The following CBR3 variants were observed in gnomAD, a reference collection of about 807,000 sequenced individuals.
CBR3 encodes the protein carbonyl reductase [NADPH] 3.
Under a neutral mutation model 11.6 loss-of-function variants are expected in CBR3, and 14 were observed. The ratio of observed to expected loss-of-function variants is 1.20; its 90% CI spans 0.79 to 1.88. CBR3 has a LOEUF of 1.88. Ranked by LOEUF, CBR3 falls within the 40% of genes most tolerant of loss-of-function variation. CBR3 has a pLI of 0.00. For missense variants in CBR3, 308 were observed against 357.3 expected, an observed-to-expected ratio of 0.86 and a Z score of 1.11; for synonymous variants, 125 against 145.6, an observed-to-expected ratio of 0.86 and a Z score of 1.02.
chr21:36,135,152 G>C lies in CBR3; in HGVS notation c.-41G>C. ...CGCGCCCCAGGTGGTCCGAAGCCCG[G>C]TCCGCCCTCCACGCAGGTGCCCCGC... is the stretch of plus-strand genomic sequence containing the variant. On this transcript the variant is annotated 5_prime_UTR_variant, in exon 1 of 3. Transcript: ENST00000290354. 1 of 1,416,218 alleles carries C rather than the reference G, an allele frequency of 7.1e-7. No homozygotes were observed. The highest frequency in any genetic ancestry group is 1.5e-5 in the South Asian group (1 of 64,860). 87.7% of individuals were successfully genotyped at this position (1,416,218 alleles called of 1,614,324 possible). A position where few individuals can be genotyped will look rare whatever the true frequency, so the allele number is the denominator to read the frequency against.
rs751963550 is a variant in CBR3, at chr21:36,146,402, A to G, written c.724A>G (p.Arg242Gly). The G allele has an allele frequency of 6.2e-7, 1 of 1,614,194 alleles. No homozygotes were observed. The highest frequency in any genetic ancestry group is 8.5e-7 in the Non-Finnish European group (1 of 1,180,008). The change falls in exon 3 of 3, where the codon AGG (arginine) becomes GGG (glycine). Residue 242 changes from arginine (R) to glycine (G), a missense_variant. By Grantham distance (125) the Arg-to-Gly change is moderately radical. Coordinates refer to ENST00000290354, the MANE Select transcript of CBR3 (RefSeq NM_001236.4). ...KTDMDGKDSI[R>G]TVEEGAETPV... is the part of the protein sequence containing the mutation. Reference sequence around the variant, plus strand: ...AGACATGGATGGGAAAGACAGCATCAGGACTGTGGAGGAGGGGGCTGAGAC... The same window carrying G: ...AGACATGGATGGGAAAGACAGCATCGGGACTGTGGAGGAGGGGGCTGAGAC...
At chr21:36,142,439 A>AAAAAAAAAAAACAAACAAACAAAC (rs774406466) in intron 2 of CBR3, among the ~76,000 whole-genome samples, 1 of 147,758 alleles carries the variant, frequency 6.8e-6, no homozygotes, top group African/African-American at 2.6e-5. Context: ...CTCAAAAAAA[A>AAAAAAAAAAAACAAACAAACAAAC]AAAAAAAAAC....
At chr21:36,141,007 C>CAAAAA (rs1217520274) in intron 2 of CBR3, among the ~76,000 whole-genome samples, 6 of 56,090 alleles carry the variant, frequency 1.1e-4, no homozygotes, top group African/African-American at 3.4e-4. Flanking sequence ...CACTCCATCT[C>CAAAAA]AAAAAAAAAA....
At chr21:36,136,409 G>A (rs553239009) in intron 1 of CBR3, among the ~76,000 whole-genome samples, 2 of 152,168 alleles carry the variant, frequency 1.3e-5, no homozygotes, top group Non-Finnish European at 2.9e-5. Context: ...AAGGATGGGG[G>A]AGCAGAAGTC....
At position 36,137,900 on chromosome 21, in the gene CBR3, G is replaced by A. The variant is rs1328344280; in HGVS notation, c.365G>A (p.Cys122Tyr). 2 of 1,609,348 alleles carry A rather than the reference G, an allele frequency of 1.2e-6. No homozygotes were observed. The highest frequency in any genetic ancestry group is 1.7e-6 in the Non-Finnish European group (2 of 1,175,906). Residue 122 changes from cysteine (C) to tyrosine (Y), a missense_variant, in exon 2 of 3, where the codon TGC becomes TAC. Transcript: ENST00000290354. ...KTNFFATRNM[C>Y]NELLPIMKPH... is the part of the protein sequence containing the mutation. ...AATTTTTTTGCCACTAGAAACATGT[G>A]CAACGAGTTACTGCCGATAATGAAA...
At chr21:36,138,504 T>C (rs2065680502) in intron 2 of CBR3, 1 of 152,608 alleles carries the variant, frequency 6.6e-6, no homozygotes, top group South Asian at 2.1e-4. Flanking sequence ...TTGGGATCCA[T>C]GTCATGAACT....
chr21:36,143,919 G>A (rs1372708221), intron 2 of CBR3, among the ~76,000 whole-genome samples: 1 of 150,616 alleles, frequency 6.6e-6, no homozygotes, highest in Non-Finnish European at 1.5e-5. Context: ...ATAAAAACCA[G>A]GATGGAAAAA....
chr21:36,146,122 A>G lies in CBR3; in HGVS notation c.444A>G (p.Glu148=). 4 of 1,613,954 alleles carry G rather than the reference A, an allele frequency of 2.5e-6. No individual in the cohort carries two copies. Among genetic ancestry groups the G allele is most frequent in the Non-Finnish European group, 3.4e-6 (4 of 1,179,864 alleles). Residue 148 remains glutamate (E), a synonymous_variant, in exon 3 of 3, where the codon GAA becomes GAG. Coordinates refer to ENST00000290354, the MANE Select transcript of CBR3 (RefSeq NM_001236.4). ...ISSLQCLRAF[E]NCSEDLQERF... ...GTTTGCAGTGTTTAAGGGCTTTTGA[A>G]AACTGCAGTGAAGATCTGCAGGAAA... is the stretch of plus-strand genomic sequence containing the variant.
intron 2 of CBR3, among the ~76,000 whole-genome samples, chr21:36,140,631 GCTTT>G (rs1267695217): frequency 6.6e-6 from 1 of 151,910 alleles, no homozygotes; most frequent in East Asian, 1.9e-4. Context: ...CTCCCTGCAG[GCTTT>G]CTCTGATCCC....
intron 2 of CBR3, 52 bp from the exon 3 acceptor site, chr21:36,146,024 C>T (rs1277413159): frequency 2.5e-6 from 3 of 1,188,772 alleles, no homozygotes; most frequent in Non-Finnish European, 3.7e-6. Flanking sequence ...ATTATTCAAC[C>T]AGTGGTTGTA....
chr21:36,141,794 TCCCA>T (rs548064480), intron 2 of CBR3: 8 of 324,438 alleles, frequency 2.5e-5, no homozygotes, highest in Non-Finnish European at 3.1e-5. Flanking sequence ...CTGGCCTCTC[TCCCA>T]GAGGTGTGCC....
intron 1 of CBR3, 21 bp from the exon 2 acceptor site, chr21:36,137,804 G>T: frequency 7.1e-7 from 1 of 1,407,380 alleles, no homozygotes; most frequent in Admixed American, 1.7e-5. Flanking sequence ...CTTTCTTTTT[G>T]TTTCTTTCTC....
rs45553139 is a variant in CBR3, at chr21:36,143,601, C to T, written c.398-2475C>T. ...GGACTAAAAAGTAATGAAATCAGGC[C>T]GGATGCAGTGGCTCACGCCTATAAT... On this transcript the variant is annotated intron_variant, in intron 2 of 2. Coordinates refer to ENST00000290354, the MANE Select transcript of CBR3 (RefSeq NM_001236.4). Among the ~76,000 whole-genome samples the T allele has an allele frequency of 3.4e-3, 523 of 152,026 alleles. 2 individuals are homozygous for T. Among genetic ancestry groups the T allele is most frequent in the African/African-American group, 0.012 (511 of 41,482 alleles).
intron 1 of CBR3, among the ~76,000 whole-genome samples, chr21:36,135,844 A>C (rs1334817478): frequency 6.6e-6 from 1 of 152,252 alleles, no homozygotes; most frequent in African/African-American, 2.4e-5. Flanking sequence ...TTTTCTCTGC[A>C]AAGAAACGGT....
At position 36,136,201 on chromosome 21, in the gene CBR3, C is replaced by A. The variant is rs2065658791; in HGVS notation, c.289+720C>A. On this transcript the variant is annotated intron_variant, in intron 1 of 2. Transcript: ENST00000290354. ...GGCGCAGTGGCTCACGCCTGTAATGCCAGCACTTTGGGAGGCCGAGGCAGG... is the reference window on the plus strand; with the variant it reads ...GGCGCAGTGGCTCACGCCTGTAATGACAGCACTTTGGGAGGCCGAGGCAGG... Among the ~76,000 whole-genome samples, 3 of 151,822 alleles carry A rather than the reference C, an allele frequency of 2.0e-5. No individual in the cohort carries two copies. The South Asian group carries it at 6.2e-4, about 31-fold the overall frequency.
At chr21:36,142,431 C>CAAAAAAAAAAAAAAAAAAAA (rs71326645) in intron 2 of CBR3, among the ~76,000 whole-genome samples, 18 of 40,360 alleles carry the variant, frequency 4.5e-4, no homozygotes, top group East Asian at 2.7e-3. Flanking sequence ...GACTCCATCT[C>CAAAAAAAAAAAAAAAAAAAA]AAAAAAAAAA....
At position 36,146,226 on chromosome 21, in the gene CBR3, T is replaced by C. The variant is rs769015848; in HGVS notation, c.548T>C (p.Val183Ala). 7 of 1,613,862 alleles carry C rather than the reference T, an allele frequency of 4.3e-6. No homozygotes were observed. The East Asian group carries it at 6.7e-5, about 15-fold the overall frequency. ...KKFVEDTKNE[V>A]HEREGWPNSP... ...TTTGTGGAGGACACAAAAAATGAGGTGCATGAGAGGGAAGGCTGGCCCAAC... is the reference window on the plus strand; with the variant it reads ...TTTGTGGAGGACACAAAAAATGAGGCGCATGAGAGGGAAGGCTGGCCCAAC... Residue 183 changes from valine (V) to alanine (A), a missense_variant, in exon 3 of 3, where the codon GTG becomes GCG. Physicochemically the swap from Val to Ala is moderately conservative, Grantham distance 64. Transcript: ENST00000290354.
In CBR3 at chr21:36,146,172, AAGG is replaced by A; in HGVS notation, c.497_499del (p.Gly166del). On this transcript the variant is annotated inframe_deletion, in exon 3 of 3. Transcript: ENST00000290354. ...AGGTTCCACAGTGAGACACTCACAG[AAGG>A]AGACCTGGTGGATCTCATGAAAAAG... The A allele has an allele frequency of 1.9e-6, 3 of 1,613,588 alleles. No homozygotes were observed. Among genetic ancestry groups the A allele is most frequent in the Admixed American group, 1.7e-5 (1 of 60,008 alleles).
chr21:36,137,503 AAAGGAAGGAAGGAAGG>A (rs58466732), intron 1 of CBR3: 35,948 of 188,762 alleles, frequency 0.19, 3,802 homozygotes, highest in East Asian at 0.33. Flanking sequence ...GAAAAGAAAG[AAAGGAAGGAAGGAAGG>A]AAGGAAGGAA....
Sources: gnomAD v4.1 joint callset for allele counts (sites outside exome capture counted in the v4.1 genomes callset) on GRCh38, gnomAD v4.1.1 for gene constraint, MANE v1.5 for transcripts, NCBI Gene and HGNC (gene_info 2026-07-23, HGNC 2026-07-21) for gene names.